LNX1: variants seen among roughly 807,000 people sequenced by gnomAD.
The protein encoded by LNX1 is ligand of numb-protein X 1.
Under a neutral mutation model 68.4 loss-of-function variants are expected in LNX1, and 54 were observed. That is an observed-to-expected ratio of 0.79 (90% CI 0.63 to 0.99). LNX1 has a LOEUF of 0.99. LNX1 is among the 50% of genes least tolerant of loss of function. The pLI, the probability that LNX1 is intolerant of heterozygous loss-of-function variation, is 0.00. For missense variants in LNX1, 906 were observed against 926.4 expected (o/e 0.98, Z 0.29); for synonymous variants, 336 against 350.0 (o/e 0.96, Z 0.45).
chr4:53,576,716 C>T (rs552635635), intron 1 of LNX1, among the ~76,000 whole-genome samples: 1 of 152,280 alleles, frequency 6.6e-6, no homozygotes, highest in Non-Finnish European at 1.5e-5. Flanking sequence ...AATTAAAAGA[C>T]CTTATGCTTT....
At chr4:53,636,442 A>G (rs1397895653) in intron 1 of LNX1, among the ~76,000 whole-genome samples, 3 of 152,050 alleles carry the variant, frequency 2.0e-5, no homozygotes, top group African/African-American at 7.2e-5. Context: ...CTGGTGAGAC[A>G]TTCTTGTCCC....
At chr4:53,558,194 C>T (rs927845746) in intron 2 of LNX1, 21 of 1,316,254 alleles carry the variant, frequency 1.6e-5, no homozygotes, top group African/African-American at 1.0e-4. Flanking sequence ...GGAGCCACCA[C>T]GGTTGGCGAG....
intron 1 of LNX1, among the ~76,000 whole-genome samples, chr4:53,634,470 C>T (rs541396242): frequency 1.4e-4 from 22 of 152,226 alleles, no homozygotes; most frequent in African/African-American, 5.3e-4. Flanking sequence ...TCTCGAACTC[C>T]TGAGCTCAGG....
At chr4:53,605,366 A>T (rs1733186323) in intron 2 of LNX1, among the ~76,000 whole-genome samples, 1 of 152,190 alleles carries the variant, frequency 6.6e-6, no homozygotes, top group East Asian at 1.9e-4. Flanking sequence ...TATTAAAGTG[A>T]TTACTAGTCA....
Position 53,498,693 on chromosome 4 carries a change from T to C in LNX1, c.926A>G (p.Asp309Gly). Residue 309 changes from aspartate to glycine, a missense_variant, in exon 5 of 11, where the codon GAT becomes GGT. Coordinates refer to ENST00000263925, the MANE Select transcript of LNX1 (RefSeq NM_001126328.3). ...CCGGCCGTCTCTGGCGATCACCCCA[T>C]CACGATAAATGTGTTGGATAATGAT... ...VHIIIQHIYR[D>G]GVIARDGRLL... 1 of 1,614,074 alleles carries C rather than the reference T, an allele frequency of 6.2e-7. No individual in the cohort carries two copies. The highest frequency in any genetic ancestry group is 8.5e-7 in the Non-Finnish European group (1 of 1,179,952).
chr4:53,537,841 C>T (rs996988377), intron 2 of LNX1, among the ~76,000 whole-genome samples: 1 of 152,260 alleles, frequency 6.6e-6, no homozygotes, highest in Non-Finnish European at 1.5e-5. Context: ...ACTCCTTCCT[C>T]ATGAAACACA....
chr4:53,463,829 ATTT>A (rs1358672416), intron 9 of LNX1, among the ~76,000 whole-genome samples: 1 of 152,030 alleles, frequency 6.6e-6, no homozygotes, highest in Non-Finnish European at 1.5e-5. Flanking sequence ...TTTTTTCTAA[ATTT>A]TTATATTTCC....
chr4:53,636,224 T>A (rs1577819185), intron 1 of LNX1, among the ~76,000 whole-genome samples: 1 of 116,568 alleles, frequency 8.6e-6, no homozygotes, highest in East Asian at 2.6e-4. Context: ...GGAGAAGGAG[T>A]GGTGGTGAAA....
At chr4:53,630,299 A>C (rs960686329) in intron 1 of LNX1, among the ~76,000 whole-genome samples, 1 of 152,108 alleles carries the variant, frequency 6.6e-6, no homozygotes, top group African/African-American at 2.4e-5. Context: ...TACTTGCTAA[A>C]ATTTTTTTGT....
At position 53,505,868 on chromosome 4, in the gene LNX1, C is replaced by A. The variant is rs1337765597; in HGVS notation, c.775+1449G>T. Among the ~76,000 whole-genome samples the A allele has an allele frequency of 2.0e-5, 3 of 152,178 alleles. No individual in the cohort carries two copies. The East Asian group carries it at 5.8e-4, about 29-fold the overall frequency. ...AAATCTGGAAGAAGGAACGTGAATG[C>A]CAGCTGAAAGGAGAGTGGGAGCGCA... On this transcript the variant is annotated intron_variant, in intron 4 of 10. Coordinates refer to ENST00000263925, the MANE Select transcript of LNX1 (RefSeq NM_001126328.3).
chr4:53,621,335 A>T (rs1177886609), upstream of LNX1, among the ~76,000 whole-genome samples: 1 of 152,188 alleles, frequency 6.6e-6, no homozygotes, highest in African/African-American at 2.4e-5. Flanking sequence ...CCTTTTCGGC[A>T]TCACGCTCAC....
At chr4:53,524,703 T>A (rs1279212430) in intron 2 of LNX1, among the ~76,000 whole-genome samples, 1 of 152,186 alleles carries the variant, frequency 6.6e-6, no homozygotes, top group Non-Finnish European at 1.5e-5. Flanking sequence ...AAGTAAGGTT[T>A]AGGGGAAATA....
intron 1 of LNX1, among the ~76,000 whole-genome samples, chr4:53,585,695 G>A (rs1378964533): frequency 6.6e-6 from 1 of 152,162 alleles, no homozygotes; most frequent in African/African-American, 2.4e-5. Context: ...GCACCCACAA[G>A]CTAAGGAATG....
intron 9 of LNX1, among the ~76,000 whole-genome samples, chr4:53,474,512 G>A (rs1484890557): frequency 1.3e-5 from 2 of 152,146 alleles, no homozygotes; most frequent in African/African-American, 4.8e-5. Context: ...CTCTGACATA[G>A]AATACACAAG....
At chr4:53,469,542 G>A (rs1163223323) in intron 9 of LNX1, among the ~76,000 whole-genome samples, 3 of 152,176 alleles carry the variant, frequency 2.0e-5, no homozygotes, top group African/African-American at 7.2e-5. Context: ...AAAAATCAAT[G>A]AATCCAGGAG....
At position 53,481,750 on chromosome 4, in the gene LNX1, T is replaced by C; in HGVS notation, c.1455A>G (p.Pro485=). ...GAGTGTTGCTCCTCTCCCCTGGCCCTGGGGACCAGCTGCCATTGCTGTTCC... is the reference window on the plus strand; with the variant it reads ...GAGTGTTGCTCCTCTCCCCTGGCCCCGGGGACCAGCTGCCATTGCTGTTCC... ...AGWNSNGSWS[P]GPGERSNTPK... Residue 485 remains proline, a synonymous_variant, in exon 7 of 11, where the codon CCA becomes CCG. Transcript: ENST00000263925. 1 of 1,613,846 alleles carries C rather than the reference T, an allele frequency of 6.2e-7. No homozygotes were observed. Among genetic ancestry groups the C allele is most frequent in the South Asian group, 1.1e-5 (1 of 91,064 alleles).
intron 1 of LNX1, among the ~76,000 whole-genome samples, chr4:53,648,136 G>A (rs1252235410): frequency 6.6e-6 from 1 of 152,128 alleles, no homozygotes; most frequent in African/African-American, 2.4e-5. Flanking sequence ...TGAATTGCTG[G>A]GTCATTGACA....
chr4:53,602,174 A>T (rs1483679971), intron 2 of LNX1, among the ~76,000 whole-genome samples: 4 of 152,186 alleles, frequency 2.6e-5, no homozygotes, highest in African/African-American at 9.7e-5. Flanking sequence ...TACTCTCCGA[A>T]GTGATAAGGG....
chr4:53,473,244 C>T (rs1484610108), intron 9 of LNX1, among the ~76,000 whole-genome samples: 1 of 151,858 alleles, frequency 6.6e-6, no homozygotes, highest in Non-Finnish European at 1.5e-5. Context: ...GAACAGAACA[C>T]AAAAGTGGAA....
Sources: allele counts gnomAD v4.1 joint callset (sites outside exome capture counted in the v4.1 genomes callset), GRCh38; gene constraint gnomAD v4.1.1; transcripts MANE v1.5; gene names NCBI Gene and HGNC (gene_info 2026-07-23, HGNC 2026-07-21).